Variants in EGLN1 observed in about 807,000 individuals in gnomAD.
EGLN1 encodes egl-9 family hypoxia inducible factor 1.
A neutral mutation model predicts 38.3 loss-of-function variants in EGLN1; 17 were observed. The ratio of observed to expected loss-of-function variants is 0.44; its 90% CI spans 0.30 to 0.67. The LOEUF is 0.67. EGLN1 is among the 30% of genes least tolerant of loss of function. The pLI is 0.08. For missense variants in EGLN1, 477 were observed against 603.3 expected (o/e 0.79, Z 2.19); for synonymous variants, 283 against 257.5 (o/e 1.10, Z -0.95).
At chr1:231,377,595 G>C (rs183031878) in intron 1 of EGLN1, among the ~76,000 whole-genome samples, 1 of 152,158 alleles carries the variant, frequency 6.6e-6, no homozygotes, top group Non-Finnish European at 1.5e-5. Flanking sequence ...TACAAGCATC[G>C]GGTAGGAGAG....
chr1:231,399,227 C>T (rs1688605324), intron 1 of EGLN1, among the ~76,000 whole-genome samples: 1 of 152,174 alleles, frequency 6.6e-6, no homozygotes, highest in Non-Finnish European at 1.5e-5. Flanking sequence ...TGTTTCAGAC[C>T]CTATACTGGG....
rs1407123012 is a variant in EGLN1, at chr1:231,366,307, C to G, written c.*104G>C. On this transcript the variant is annotated 3_prime_UTR_variant, in exon 5 of 5. Transcript: ENST00000366641. ...TTGTTTCTGTTTCCTTATTAAAATG[C>G]GAACTGGTTGTCTATTTTTCTTTAT... 3.2e-5 allele frequency: 42 copies of G among 1,304,250 alleles called. No homozygotes were observed. The East Asian group carries it at 4.9e-4, about 15-fold the overall frequency. 80.8% of individuals were successfully genotyped at this position (1,304,250 alleles called of 1,614,324 possible). A position where few individuals can be genotyped will look rare whatever the true frequency, so the allele number is the denominator to read the frequency against.
intron 1 of EGLN1, among the ~76,000 whole-genome samples, chr1:231,394,543 T>C (rs1339695996): frequency 1.2e-5 from 1 of 86,786 alleles, no homozygotes; most frequent in Non-Finnish European, 2.7e-5. Context: ...CACGCCCGAC[T>C]AATTTTTTTT....
chr1:231,370,942 T>C (rs1687805450), intron 2 of EGLN1, among the ~76,000 whole-genome samples: 1 of 152,180 alleles, frequency 6.6e-6, no homozygotes, highest in Middle Eastern at 3.2e-3. Flanking sequence ...CAGGCTGGAG[T>C]GCAGTGGCAC....
chr1:231,397,137 C>A (rs957057026), intron 1 of EGLN1, among the ~76,000 whole-genome samples: 2 of 152,190 alleles, frequency 1.3e-5, no homozygotes, highest in African/African-American at 4.8e-5. Context: ...CAATGCCTAG[C>A]AGTGCTTCTC....
intron 1 of EGLN1, among the ~76,000 whole-genome samples, chr1:231,409,574 A>C (rs190721946): frequency 6.6e-6 from 1 of 152,176 alleles, no homozygotes. Context: ...ATTCCTTCCA[A>C]CAAGAGGAAA....
intron 1 of EGLN1, among the ~76,000 whole-genome samples, chr1:231,403,203 G>A (rs370049542): frequency 2.6e-5 from 4 of 152,258 alleles, no homozygotes; most frequent in Admixed American, 2.0e-4. Flanking sequence ...TGCAAATAAC[G>A]TATTTTATGC....
chr1:231,402,136 TCTGC>T (rs1407499136), intron 1 of EGLN1, among the ~76,000 whole-genome samples: 1 of 152,186 alleles, frequency 6.6e-6, no homozygotes, highest in Non-Finnish European at 1.5e-5. Flanking sequence ...GTTCAATTTT[TCTGC>T]CTATTTTTCT....
intron 3 of EGLN1, among the ~76,000 whole-genome samples, chr1:231,369,186 CACGA>C (rs1687747785): frequency 6.6e-6 from 1 of 152,076 alleles, no homozygotes; most frequent in Non-Finnish European, 1.5e-5. Flanking sequence ...ACTTTACTAA[CACGA>C]CTGCACCCCT....
intron 3 of EGLN1, 39 bp downstream of exon 3, chr1:231,370,522 AC>A: frequency 6.2e-7 from 1 of 1,609,608 alleles, no homozygotes; most frequent in Non-Finnish European, 8.5e-7. Context: ...CTCCTGTCCT[AC>A]CATACTCTAA....
intron 1 of EGLN1, among the ~76,000 whole-genome samples, chr1:231,401,094 A>G (rs949042760): frequency 1.3e-5 from 2 of 152,144 alleles, no homozygotes; most frequent in African/African-American, 4.8e-5. Flanking sequence ...TAATGCATAC[A>G]GTGAGATCAA....
At chr1:231,390,678 G>A (rs951817645) in intron 1 of EGLN1, among the ~76,000 whole-genome samples, 2 of 152,192 alleles carry the variant, frequency 1.3e-5, no homozygotes, top group Non-Finnish European at 2.9e-5. Flanking sequence ...TTCAATAAAT[G>A]TTCCTTTAAT....
chr1:231,366,500 T>A (rs753370769), intron 4 of EGLN1, 25 bp from the exon 5 acceptor site: 26 of 1,582,394 alleles, frequency 1.6e-5, no homozygotes, highest in Non-Finnish European at 1.9e-5. Flanking sequence ...AAAAAAAAAT[T>A]TTCATTCATT....
intron 1 of EGLN1, among the ~76,000 whole-genome samples, chr1:231,380,339 T>G (rs1262313200): frequency 8.3e-6 from 1 of 120,746 alleles, no homozygotes; most frequent in African/African-American, 2.8e-5. Context: ...AAAAAAAGAA[T>G]AAGAACTCCT....
chr1:231,400,787 C>T (rs978009248), intron 1 of EGLN1, among the ~76,000 whole-genome samples: 10 of 152,142 alleles, frequency 6.6e-5, no homozygotes, highest in African/African-American at 2.2e-4. Flanking sequence ...TGGTGGCTCA[C>T]GCCTGTAATC....
intron 2 of EGLN1, among the ~76,000 whole-genome samples, chr1:231,371,692 T>C (rs1277021480): frequency 3.3e-5 from 5 of 151,910 alleles, no homozygotes; most frequent in African/African-American, 1.2e-4. Flanking sequence ...GGGTGCAGAG[T>C]AGGGAATAAT....
At chr1:231,367,325 G>A (rs1232003584) in intron 4 of EGLN1, among the ~76,000 whole-genome samples, 2 of 152,184 alleles carry the variant, frequency 1.3e-5, no homozygotes, top group Non-Finnish European at 2.9e-5. Context: ...CAGTTTGTAT[G>A]TGAATAATTT....
At chr1:231,386,590 A>AT (rs1012225340) in intron 1 of EGLN1, among the ~76,000 whole-genome samples, 231 of 151,448 alleles carry the variant, frequency 1.5e-3, no homozygotes, top group African/African-American at 5.3e-3. Flanking sequence ...AAACACACTC[A>AT]TTTTTTTTTC....
rs1656610331 is a variant in EGLN1, at chr1:231,421,573, C to T, written c.316G>A (p.Asp106Asn). 1.5e-6 allele frequency: 2 copies of T among 1,311,122 alleles called. No individual in the cohort carries two copies. The highest frequency in any genetic ancestry group is 8.4e-5 in the Admixed American group (2 of 23,736). The allele number at this position is 1,311,122 out of a possible 1,614,324, so 81.2% of individuals were successfully genotyped here. Reference protein sequence around the residue: ...AAARRDNASGDAAKGKVKAKP... With the variant: ...AAARRDNASGNAAKGKVKAKP... ...GCCTTTACTTTTCCCTTGGCCGCGT[C>T]CCCGGAGGCGTTGTCCCGGCGCGCC... The change falls in exon 1 of 5, where the codon GAC (aspartate) becomes AAC (asparagine). Residue 106 changes from aspartate (D) to asparagine (N), a missense_variant. Around this residue, in one of 4 missense-constraint regions of EGLN1, gnomAD observed 298 missense variants for 288.9 expected, o/e 1.03. Transcript: ENST00000366641. This position sits in a 1 kb window ranked among gnomAD's most constrained non-coding sequence, Gnocchi z 5.5.
Sources: gnomAD v4.1 joint callset for allele counts (sites outside exome capture counted in the v4.1 genomes callset) on GRCh38, gnomAD v4.1.1 for gene constraint, gnomAD v4.1.1 regional missense constraint, Gnocchi (gnomAD v3.1) non-coding constraint, MANE v1.5 for transcripts, NCBI Gene and HGNC (gene_info 2026-07-23, HGNC 2026-07-21) for gene names.